Variants in RNF24 observed in about 807,000 individuals in gnomAD.
RNF24 encodes ring finger protein 24.
Under a neutral mutation model 20.0 loss-of-function variants are expected in RNF24, and 14 were observed. That is an observed-to-expected ratio of 0.70 (90% confidence interval 0.46 to 1.10). RNF24 has a LOEUF of 1.10. Among genes scored for constraint, RNF24 ranks in the 50% least tolerant of loss-of-function variants. RNF24 has a pLI of 0.00. For missense variants in RNF24, 124 were observed against 177.6 expected, an observed-to-expected ratio of 0.70 and a Z score of 1.71; for synonymous variants, 45 against 61.1, an observed-to-expected ratio of 0.74 and a Z score of 1.23.
rs570489759 is a variant in RNF24, at chr20:3,929,770, T to C, written c.*4293A>G. 11 of 152,390 alleles carry C rather than the reference T, an allele frequency of 7.2e-5. No individual in the cohort carries two copies. The highest frequency in any genetic ancestry group is 5.9e-4 in the Admixed American group (9 of 15,308). The allele number at this position is 152,390 out of a possible 1,614,324, so 9.4% of individuals were successfully genotyped here. A position where few individuals can be genotyped will look rare whatever the true frequency, so the allele number is the denominator to read the frequency against. On this transcript the variant is annotated 3_prime_UTR_variant, in exon 6 of 6. Transcript: ENST00000358395. ...AGATAGAAAGTCAATCAGAAAAATC[T>C]GGTTGTGCTCTTGGATTAGCTGGGC...
chr20:3,978,599 T>C (rs769882866), intron 1 of RNF24, among the ~76,000 whole-genome samples: 2 of 152,126 alleles, frequency 1.3e-5, no homozygotes, highest in Non-Finnish European at 2.9e-5. Context: ...TAAATGATTC[T>C]AAGATATTTT....
At chr20:3,964,446 G>A (rs964394701) in intron 1 of RNF24, among the ~76,000 whole-genome samples, 6 of 152,042 alleles carry the variant, frequency 3.9e-5, no homozygotes, top group African/African-American at 1.5e-4. Flanking sequence ...AAATAACTGA[G>A]ATATCTCACA....
rs1415444912 is a variant in RNF24 at position 4,015,543 on chromosome 20, G to A, written c.-114C>T. 2 of 150,740 alleles carry A rather than the reference G, an allele frequency of 1.3e-5. No homozygotes were observed. Among genetic ancestry groups the A allele is most frequent in the African/African-American group, 4.9e-5 (2 of 41,204 alleles). 9.3% of individuals were successfully genotyped at this position (150,740 alleles called of 1,614,324 possible). ...CGTCCGGACAGAGCGCGGCGGAGGTGGCGGCGGCTGACTGCGCCCGGCGGC... is the reference window on the plus strand; with the variant it reads ...CGTCCGGACAGAGCGCGGCGGAGGTAGCGGCGGCTGACTGCGCCCGGCGGC... On this transcript the variant is annotated 5_prime_UTR_variant, in exon 1 of 6. Transcript: ENST00000358395.
chr20:4,008,518 TTATA>T (rs1169740031), intron 1 of RNF24, among the ~76,000 whole-genome samples: 1 of 118,478 alleles, frequency 8.4e-6, no homozygotes, highest in Non-Finnish European at 1.6e-5. Flanking sequence ...ATATTATATA[TTATA>T]TATATATTAT....
At chr20:3,937,055 T>G (rs1325837877) in intron 4 of RNF24, among the ~76,000 whole-genome samples, 1 of 152,162 alleles carries the variant, frequency 6.6e-6, no homozygotes, top group African/African-American at 2.4e-5. Context: ...GCCAAGATGC[T>G]CTCGATCTCT....
intron 1 of RNF24, among the ~76,000 whole-genome samples, chr20:3,988,879 T>C (rs1328171523): frequency 6.6e-6 from 1 of 152,180 alleles, no homozygotes; most frequent in East Asian, 1.9e-4. Flanking sequence ...AAATGATTAT[T>C]TGCAGGTGAC....
At chr20:4,002,294 G>A (rs1303389530) in intron 1 of RNF24, among the ~76,000 whole-genome samples, 1 of 152,176 alleles carries the variant, frequency 6.6e-6, no homozygotes, top group Non-Finnish European at 1.5e-5. Flanking sequence ...GCTGAGGCAG[G>A]AGAATGGCGT....
chr20:4,008,535 A>T (rs1419634906), intron 1 of RNF24, among the ~76,000 whole-genome samples: 2 of 116,568 alleles, frequency 1.7e-5, no homozygotes, highest in Admixed American at 1.2e-4. Context: ...TATATTATTT[A>T]TATATATTAT....
At chr20:3,980,104 T>A (rs1232502279) in intron 1 of RNF24, among the ~76,000 whole-genome samples, 1 of 152,182 alleles carries the variant, frequency 6.6e-6, no homozygotes, top group Non-Finnish European at 1.5e-5. Context: ...CATGAGATAA[T>A]TTGAGTATTA....
At chr20:4,009,840 G>A (rs887087735) in intron 1 of RNF24, among the ~76,000 whole-genome samples, 25 of 152,054 alleles carry the variant, frequency 1.6e-4, no homozygotes, top group African/African-American at 5.3e-4. Context: ...GAAAAAAAAG[G>A]GTTTTTAATT....
chr20:3,967,335 A>C (rs1162603396), intron 1 of RNF24, among the ~76,000 whole-genome samples: 1 of 152,212 alleles, frequency 6.6e-6, no homozygotes, highest in Non-Finnish European at 1.5e-5. Context: ...TGGCATTTCC[A>C]ACTTCATTCA....
At chr20:3,974,208 A>T (rs1186898379) in intron 1 of RNF24, 1 of 928,552 alleles carries the variant, frequency 1.1e-6, no homozygotes, top group Non-Finnish European at 1.6e-6. Flanking sequence ...TAGAAATGGA[A>T]GAGAACTTCT....
chr20:3,939,287 TG>T (rs2090927720), intron 4 of RNF24, among the ~76,000 whole-genome samples: 1 of 152,180 alleles, frequency 6.6e-6, no homozygotes. Flanking sequence ...GTCATGGCAC[TG>T]GGCTCACCTA....
At chr20:3,984,797 C>G (rs1205209891) in intron 1 of RNF24, among the ~76,000 whole-genome samples, 2 of 146,148 alleles carry the variant, frequency 1.4e-5, no homozygotes, top group African/African-American at 2.5e-5. Flanking sequence ...TTCTTTCAAG[C>G]TTTTTTTTTT....
chr20:3,946,410 C>T (rs2091017543), intron 3 of RNF24, among the ~76,000 whole-genome samples: 1 of 151,820 alleles, frequency 6.6e-6, no homozygotes, highest in Admixed American at 6.6e-5. Context: ...GCTGAGATTG[C>T]ACCACTGCAC....
At chr20:3,953,693 A>C (rs1251667959) in intron 2 of RNF24, among the ~76,000 whole-genome samples, 1 of 150,214 alleles carries the variant, frequency 6.7e-6, no homozygotes, top group Admixed American at 6.7e-5. Flanking sequence ...CGATCTCCTG[A>C]CCTCGTGATC....
At position 3,983,897 on chromosome 20, in the gene RNF24, C is replaced by T. The variant is rs6052210; in HGVS notation, c.-7-19873G>A. Reference sequence around the variant, plus strand: ...TGGAGGCTGCAGTGAGCCGAGATCGCGCCACTGCACTCCAGCCTGGGTGAC... The same window carrying T: ...TGGAGGCTGCAGTGAGCCGAGATCGTGCCACTGCACTCCAGCCTGGGTGAC... On this transcript the variant is annotated intron_variant, in intron 1 of 5. Transcript: ENST00000358395. Among the ~76,000 whole-genome samples the T allele has an allele frequency of 5.9e-3, 853 of 144,862 alleles. 7 individuals are homozygous for T. Among genetic ancestry groups the T allele is most frequent in the African/African-American group, 0.02 (790 of 39,016 alleles).
At chr20:3,967,961 C>T (rs1417675247) in intron 1 of RNF24, among the ~76,000 whole-genome samples, 3 of 131,736 alleles carry the variant, frequency 2.3e-5, no homozygotes, top group African/African-American at 8.8e-5. Flanking sequence ...CCACTGCACT[C>T]CAGCCTGGCA....
intron 1 of RNF24, among the ~76,000 whole-genome samples, chr20:3,976,974 ATG>A (rs1382705205): frequency 6.6e-6 from 1 of 152,216 alleles, no homozygotes; most frequent in Non-Finnish European, 1.5e-5. Flanking sequence ...TTGTAGCTGC[ATG>A]TGAGTCTATA....
Sources: gnomAD v4.1 joint callset for allele counts (sites outside exome capture counted in the v4.1 genomes callset) on GRCh38, gnomAD v4.1.1 for gene constraint, MANE v1.5 for transcripts, NCBI Gene and HGNC (gene_info 2026-07-23, HGNC 2026-07-21) for gene names.